The following CSNK2A2 variants were observed in gnomAD, a reference collection of about 807,000 sequenced individuals.
CSNK2A2 encodes the protein casein kinase II subunit alpha'.
In CSNK2A2, 8 loss-of-function variants were observed where a neutral mutation model predicts 54.0. That is an observed-to-expected ratio of 0.15 (90% CI 0.09 to 0.27). The LOEUF is 0.27. Ranked by LOEUF, CSNK2A2 falls within the 10% of genes least tolerant of loss-of-function variation. The pLI is 1.00. For synonymous variants in CSNK2A2, 141 were observed against 153.9 expected, an observed-to-expected ratio of 0.92 and a Z score of 0.62; for missense variants, 242 against 439.4, an observed-to-expected ratio of 0.55 and a Z score of 4.02.
chr16:58,182,024 A>G (rs912698829), intron 4 of CSNK2A2, among the ~76,000 whole-genome samples: 5 of 152,210 alleles, frequency 3.3e-5, no homozygotes, highest in African/African-American at 1.2e-4. Flanking sequence ...TAGCAAATAC[A>G]TTAATTGGCA....
At chr16:58,194,608 T>C (rs1962387006) in intron 2 of CSNK2A2, among the ~76,000 whole-genome samples, 1 of 152,234 alleles carries the variant, frequency 6.6e-6, no homozygotes, top group Non-Finnish European at 1.5e-5. Context: ...TGGTACCTGT[T>C]TCTGTGCTCA....
intron 4 of CSNK2A2, among the ~76,000 whole-genome samples, chr16:58,182,394 A>C (rs1032280087): frequency 6.8e-6 from 1 of 146,524 alleles, no homozygotes; most frequent in Admixed American, 6.8e-5. Flanking sequence ...AAAAAAAAAA[A>C]AAAAAAAAAA....
At chr16:58,172,645 A>C (rs1363810856) in intron 5 of CSNK2A2, among the ~76,000 whole-genome samples, 1 of 152,264 alleles carries the variant, frequency 6.6e-6, no homozygotes, top group Non-Finnish European at 1.5e-5. Flanking sequence ...CAAATACAGT[A>C]AGGTAATTAA....
chr16:58,175,739 AG>A (rs538616045), intron 4 of CSNK2A2, among the ~76,000 whole-genome samples: 123 of 152,348 alleles, frequency 8.1e-4, no homozygotes, highest in African/African-American at 2.9e-3. Flanking sequence ...TAAGAATACC[AG>A]GTCTTTGCTT....
At position 58,157,977 on chromosome 16, in the gene CSNK2A2, A is replaced by T. The variant is rs538968351; in HGVS notation, c.*394T>A. 3.3e-5 allele frequency: 5 copies of T among 152,764 alleles called. No homozygotes were observed. Among genetic ancestry groups the T allele is most frequent in the African/African-American group, 9.6e-5 (4 of 41,580 alleles). The allele number at this position is 152,764 out of a possible 1,614,324, so 9.5% of individuals were successfully genotyped here. On this transcript the variant is annotated 3_prime_UTR_variant, in exon 12 of 12. Transcript: ENST00000262506. The stretch of plus-strand genomic sequence containing the variant: ...TAATATGTAACTGCCGCCATGCCAC[A>T]TACTGCGCCCGTCCCCCCACTGTGG...
At chr16:58,196,698 A>G (rs1962462489) in intron 2 of CSNK2A2, 35 bp downstream of exon 2, 2 of 1,375,884 alleles carry the variant, frequency 1.5e-6, no homozygotes, top group South Asian at 2.3e-5. Context: ...CCCTGTGGGG[A>G]GGAAAATGTT....
In CSNK2A2 at chr16:58,197,532, G is replaced by A. The variant is rs1018544700; in HGVS notation, c.104+101C>T. 1.5e-5 allele frequency: 9 copies of A among 601,204 alleles called. No homozygotes were observed. The highest frequency in any genetic ancestry group is 8.1e-5 in the African/African-American group (4 of 49,676). 37.2% of individuals were successfully genotyped at this position (601,204 alleles called of 1,614,324 possible). A position where few individuals can be genotyped will look rare whatever the true frequency, so the allele number is the denominator to read the frequency against. ...TCTGCCTCCCTGCGGGCCCGCGGAG[G>A]GGTCGGCGGGAGACACCACCGGGCC... is the stretch of plus-strand genomic sequence containing the variant. On this transcript the variant is annotated intron_variant, in intron 1 of 11. Transcript: ENST00000262506. This position sits in a 1 kb window ranked among gnomAD's most constrained non-coding sequence, Gnocchi z 4.0.
chr16:58,181,988 G>C (rs1263777915), intron 4 of CSNK2A2, among the ~76,000 whole-genome samples: 1 of 152,114 alleles, frequency 6.6e-6, no homozygotes, highest in Non-Finnish European at 1.5e-5. Context: ...AGGAAATTAT[G>C]AATTATAACC....
Position 58,167,758 on chromosome 16 carries a change from T to C in CSNK2A2, c.551A>G (p.His184Arg). The change falls in exon 7 of 12, where the codon CAT becomes CGT. Residue 184 changes from histidine to arginine, a missense_variant. Physicochemically the swap from His to Arg is conservative, Grantham distance 29. Coordinates refer to ENST00000262506, the MANE Select transcript of CSNK2A2 (RefSeq NM_001896.4). ...ACGAACATTGTACTCCTGAGCAGGA[T>C]GATAGAATTCTGCCAGACCCCAATC... ...LIDWGLAEFY[H>R]PAQEYNVRVA... 6.2e-7 allele frequency: 1 copy of C among 1,614,162 alleles called. No homozygotes were observed. The highest frequency in any genetic ancestry group is 8.5e-7 in the Non-Finnish European group (1 of 1,180,002).
rs1234679359 is a variant in CSNK2A2, at chr16:58,197,043, C to G, written c.105-199G>C. On this transcript the variant is annotated intron_variant, in intron 1 of 11. Transcript: ENST00000262506. The surrounding 1 kb of genome is among the most constrained non-coding windows in gnomAD (Gnocchi z 4.0). ...CTGCAGAGCTCCTAACCTAATTGGT[C>G]TCTCCTAACTTGGGAAGATGGGGCA... 1 of 544,788 alleles carries G rather than the reference C, an allele frequency of 1.8e-6. No homozygotes were observed. The highest frequency in any genetic ancestry group is 3.3e-6 in the Non-Finnish European group (1 of 300,572). 33.7% of individuals were successfully genotyped at this position (544,788 alleles called of 1,614,324 possible). A position where few individuals can be genotyped will look rare whatever the true frequency, so the allele number is the denominator to read the frequency against.
chr16:58,166,762 T>C lies in CSNK2A2; in HGVS notation c.727-78A>G. On this transcript the variant is annotated intron_variant, in intron 8 of 11. Coordinates refer to ENST00000262506, the MANE Select transcript of CSNK2A2 (RefSeq NM_001896.4). ...CCCGTGAGGACACTGCACCAAGGAA[T>C]CAGAAGACTTCCACACCACTAAACC... The C allele has an allele frequency of 5.1e-6, 5 of 981,328 alleles. 1 individual carries two copies. The South Asian group carries it at 6.7e-5, about 13-fold the overall frequency. 60.8% of individuals were successfully genotyped at this position (981,328 alleles called of 1,614,324 possible). A position where few individuals can be genotyped will look rare whatever the true frequency, so the allele number is the denominator to read the frequency against.
At chr16:58,183,967 C>A (rs1482576739) in intron 4 of CSNK2A2, among the ~76,000 whole-genome samples, 1 of 152,146 alleles carries the variant, frequency 6.6e-6, no homozygotes, top group Non-Finnish European at 1.5e-5. Context: ...AGTTAACATA[C>A]AACTAAAGCT....
Position 58,197,741 on chromosome 16 carries a change from G to A in CSNK2A2, c.-5C>T. ...GCCCGCGGCCGGGCCGGGCATGGCGGGCGGGACCGGGGGGCGGCGCGGGGC... is the reference window on the plus strand; with the variant it reads ...GCCCGCGGCCGGGCCGGGCATGGCGAGCGGGACCGGGGGGCGGCGCGGGGC... On this transcript the variant is annotated 5_prime_UTR_variant, in exon 1 of 12. Coordinates refer to ENST00000262506, the MANE Select transcript of CSNK2A2 (RefSeq NM_001896.4). The surrounding 1 kb of genome is among the most constrained non-coding windows in gnomAD (Gnocchi z 4.0). 3.7e-6 allele frequency: 5 copies of A among 1,337,412 alleles called. No homozygotes were observed. Among genetic ancestry groups the A allele is most frequent in the Non-Finnish European group, 4.9e-6 (5 of 1,029,278 alleles). The allele number at this position is 1,337,412 out of a possible 1,614,324, so 82.8% of individuals were successfully genotyped here.
At chr16:58,162,126 G>C (rs1345434035) in intron 11 of CSNK2A2, 2 of 152,094 alleles carry the variant, frequency 1.3e-5, no homozygotes, top group Non-Finnish European at 2.9e-5. Context: ...GGTGATAAAG[G>C]AGATTGGAGG....
intron 4 of CSNK2A2, among the ~76,000 whole-genome samples, chr16:58,183,213 AT>A (rs1159084427): frequency 7.2e-6 from 1 of 138,302 alleles, no homozygotes. Flanking sequence ...AAATTTAAAA[AT>A]TAAAAAAAAA....
intron 4 of CSNK2A2, among the ~76,000 whole-genome samples, chr16:58,183,189 G>A (rs990502114): frequency 4.0e-5 from 6 of 150,434 alleles, no homozygotes; most frequent in Non-Finnish European, 7.4e-5. Context: ...GTGAAACCCC[G>A]TCTCTGCTAA....
chr16:58,195,196 ACCTTG>A (rs1962405979), intron 2 of CSNK2A2, among the ~76,000 whole-genome samples: 1 of 150,024 alleles, frequency 6.7e-6, no homozygotes, highest in South Asian at 2.1e-4. Context: ...AAAAAAAACC[ACCTTG>A]TGACTTCATA....
In CSNK2A2 at chr16:58,186,786, A is replaced by G; in HGVS notation, c.287T>C (p.Ile96Thr). The G allele has an allele frequency of 6.2e-7, 1 of 1,614,116 alleles. No individual in the cohort carries two copies. The change falls in exon 3 of 12, where the codon ATT becomes ACT. Residue 96 changes from isoleucine to threonine, a missense_variant. Ile to Thr is a moderately conservative substitution (Grantham distance 89). Around this residue, in one of 5 missense-constraint regions of CSNK2A2, gnomAD observed 69 missense variants for 97.0 expected, o/e 0.71. Coordinates refer to ENST00000262506, the MANE Select transcript of CSNK2A2 (RefSeq NM_001896.4). The part of the protein sequence containing the change: ...LENLRGGTNI[I>T]KLIDTVKDPV... ...GTCCTTTACAGTGTCAATCAGCTTAATGATATTTGTTCCACCACGAAGGTT... is the reference window on the plus strand; with the variant it reads ...GTCCTTTACAGTGTCAATCAGCTTAGTGATATTTGTTCCACCACGAAGGTT...
chr16:58,171,979 A>ATATATATATTTTTT (rs1261137669), intron 5 of CSNK2A2, among the ~76,000 whole-genome samples: 1 of 66,186 alleles, frequency 1.5e-5, no homozygotes, highest in Non-Finnish European at 2.5e-5. Context: ...ATATATATAT[A>ATATATATATTTTTT]TTTTTTTTTT....
Sources: allele counts gnomAD v4.1 joint callset (sites outside exome capture counted in the v4.1 genomes callset), GRCh38; gene constraint gnomAD v4.1.1; regional missense constraint gnomAD v4.1.1; non-coding constraint Gnocchi (gnomAD v3.1); transcripts MANE v1.5; gene names NCBI Gene and HGNC (gene_info 2026-07-23, HGNC 2026-07-21).